The following H6PD variants were observed in gnomAD, a reference collection of about 807,000 sequenced individuals.
The protein encoded by H6PD is GDH/6PGL endoplasmic bifunctional protein.
H6PD carries 48 observed loss-of-function variants against 61.2 expected under a neutral mutation model. That is an observed-to-expected ratio of 0.78 (90% CI 0.62 to 1.00). H6PD has a LOEUF of 1.00. Among genes scored for constraint, H6PD ranks in the 50% least tolerant of loss-of-function variants. The pLI, the probability that H6PD is intolerant of heterozygous loss-of-function variation, is 0.00. For missense variants in H6PD, 1,093 were observed against 1,065.0 expected (o/e 1.03, Z -0.37); for synonymous variants, 480 against 457.9 (o/e 1.05, Z -0.62).
rs147840343 is a variant in H6PD, at chr1:9,258,820, C to G, written c.746-3239C>G. Among the ~76,000 whole-genome samples, 12 of 143,000 alleles carry G rather than the reference C, an allele frequency of 8.4e-5. No homozygotes were observed. In the East Asian group the frequency reaches 2.1e-3, roughly 25 times the overall value. 93.8% of individuals were successfully genotyped at this position (143,000 alleles called of 152,430 possible). A position where few individuals can be genotyped will look rare whatever the true frequency, so the allele number is the denominator to read the frequency against. ...GTGTTGTTACATTGCTGTTGTTACT[C>G]TGGTGTTGTTATGTTGTTGTTATGC... On this transcript the variant is annotated intron_variant, in intron 3 of 4. Coordinates refer to ENST00000377403, the MANE Select transcript of H6PD (RefSeq NM_004285.4).
rs1455721143 is a variant in H6PD at position 9,265,003 on chromosome 1, G to A, written c.*134G>A. 3 of 940,002 alleles carry A rather than the reference G, an allele frequency of 3.2e-6. No individual in the cohort carries two copies. The highest frequency in any genetic ancestry group is 5.0e-6 in the Non-Finnish European group (3 of 602,744). 58.2% of individuals were successfully genotyped at this position (940,002 alleles called of 1,614,324 possible). On this transcript the variant is annotated 3_prime_UTR_variant, in exon 5 of 5. Coordinates refer to ENST00000377403, the MANE Select transcript of H6PD (RefSeq NM_004285.4). ...TTCTATCCCACAGTCAGGCCCCAGA[G>A]AGGGCAGGACAAGCCTTGTCCCGAT...
At chr1:9,246,158 G>A (rs755064807) in intron 2 of H6PD, among the ~76,000 whole-genome samples, 9 of 152,088 alleles carry the variant, frequency 5.9e-5, no homozygotes, top group Admixed American at 5.9e-4. Context: ...TGGCCAGGCT[G>A]GTCTCAAAAT....
chr1:9,238,521 G>C (rs1185965256), intron 1 of H6PD, among the ~76,000 whole-genome samples: 1 of 152,172 alleles, frequency 6.6e-6, no homozygotes, highest in Non-Finnish European at 1.5e-5. Flanking sequence ...TTGTATTCTA[G>C]ATAAATTTTG....
intron 3 of H6PD, among the ~76,000 whole-genome samples, chr1:9,257,986 G>GGGAGT (rs1184154530): frequency 3.3e-5 from 5 of 152,276 alleles, no homozygotes; most frequent in African/African-American, 1.2e-4. Flanking sequence ...CCTCAGAGGA[G>GGGAGT]GGAGTGGAGC....
chr1:9,250,516 C>G (rs1408143920), intron 3 of H6PD, among the ~76,000 whole-genome samples: 3 of 149,576 alleles, frequency 2.0e-5, no homozygotes, highest in Non-Finnish European at 4.4e-5. Flanking sequence ...ACAGGCCATT[C>G]TCTCCCACTC....
chr1:9,259,132 C>T (rs1641627894), intron 3 of H6PD, among the ~76,000 whole-genome samples: 1 of 152,228 alleles, frequency 6.6e-6, no homozygotes, highest in Non-Finnish European at 1.5e-5. Flanking sequence ...GCTGGGACTA[C>T]AGGCGCCCGC....
At chr1:9,249,329 T>G (rs893420646) in intron 3 of H6PD, among the ~76,000 whole-genome samples, 1 of 152,150 alleles carries the variant, frequency 6.6e-6, no homozygotes, top group African/African-American at 2.4e-5. Context: ...AAAGGTACTT[T>G]TGGATTTTGA....
At chr1:9,242,434 ATGT>A (rs1241972511) in intron 1 of H6PD, 1 of 269,044 alleles carries the variant, frequency 3.7e-6, no homozygotes. Context: ...GTAAGCAATC[ATGT>A]TGTAATACCC....
In H6PD at chr1:9,263,624, C is replaced by T; in HGVS notation, c.1131C>T (p.Ala377=). The change falls in exon 5 of 5, where the codon GCC becomes GCT. Residue 377 remains alanine, a synonymous_variant. Coordinates refer to ENST00000377403, the MANE Select transcript of H6PD (RefSeq NM_004285.4). ...GYARILFKNQ[A]CCVQSEKHWA... The stretch of plus-strand genomic sequence containing the variant: ...CTCGGATCTTGTTCAAGAACCAGGC[C>T]TGCTGTGTGCAGAGCGAAAAGCACT... The T allele has an allele frequency of 6.2e-7, 1 of 1,614,252 alleles. No individual in the cohort carries two copies. Among genetic ancestry groups the T allele is most frequent in the South Asian group, 1.1e-5 (1 of 91,088 alleles).
chr1:9,252,137 C>A (rs1217374010), intron 3 of H6PD, among the ~76,000 whole-genome samples: 1 of 152,146 alleles, frequency 6.6e-6, no homozygotes, highest in Non-Finnish European at 1.5e-5. Context: ...AGTGTTCTTG[C>A]AGTGTGTCTG....
At chr1:9,242,734 C>G (rs996688482) in intron 1 of H6PD, 2 of 985,474 alleles carry the variant, frequency 2.0e-6, no homozygotes, top group Non-Finnish European at 2.4e-6. Context: ...CAGGCACGTC[C>G]AGAGCCCTGG....
rs778041712 is a variant in H6PD at position 9,244,990 on chromosome 1, C to G, written c.56C>G (p.Ala19Gly). The change falls in exon 2 of 5, where the codon GCC becomes GGC. Residue 19 changes from alanine (A) to glycine (G), a missense_variant. Transcript: ENST00000377403. The part of the protein sequence containing the change: ...MCLALLGCLQ[A>G]QELQGHVSII... ...TTGGCCCTTCTGGGCTGCCTGCAAG[C>G]CCAGGAGCTCCAGGGACATGTCTCC... 7 of 1,613,982 alleles carry G rather than the reference C, an allele frequency of 4.3e-6. No individual in the cohort carries two copies. The highest frequency in any genetic ancestry group is 5.9e-6 in the Non-Finnish European group (7 of 1,179,958).
intron 3 of H6PD, among the ~76,000 whole-genome samples, chr1:9,247,620 C>T (rs551221144): frequency 5.9e-5 from 9 of 152,308 alleles, no homozygotes; most frequent in East Asian, 1.9e-4. Context: ...ACCCTTGCCT[C>T]GTCCTTGTCC....
intron 3 of H6PD, among the ~76,000 whole-genome samples, chr1:9,258,081 C>T (rs773727510): frequency 3.9e-5 from 6 of 152,214 alleles, no homozygotes; most frequent in South Asian, 4.1e-4. Context: ...GGAGTGATCA[C>T]GGTGCCTGCG....
intron 3 of H6PD, 63 bp from the exon 4 acceptor site, chr1:9,261,995 CG>C: frequency 6.5e-7 from 1 of 1,544,336 alleles, no homozygotes; most frequent in Non-Finnish European, 8.9e-7. Flanking sequence ...TGGTGCACCT[CG>C]GGGAGATCTG....
chr1:9,242,730 C>G, intron 1 of H6PD: 1 of 985,478 alleles, frequency 1.0e-6, no homozygotes, highest in South Asian at 4.7e-5. Flanking sequence ...GTACCAGGCA[C>G]GTCCAGAGCC....
At chr1:9,244,082 T>C (rs1378149476) in intron 1 of H6PD, among the ~76,000 whole-genome samples, 1 of 152,180 alleles carries the variant, frequency 6.6e-6, no homozygotes, top group Non-Finnish European at 1.5e-5. Flanking sequence ...TGTGGTTCTT[T>C]CAGGATTCTT....
intron 3 of H6PD, among the ~76,000 whole-genome samples, chr1:9,249,145 G>A (rs867001725): frequency 6.6e-6 from 1 of 152,118 alleles, no homozygotes. Flanking sequence ...TCCTATCTCC[G>A]CCCTGGGCTG....
At chr1:9,248,276 T>C (rs562919446) in intron 3 of H6PD, among the ~76,000 whole-genome samples, 2 of 152,364 alleles carry the variant, frequency 1.3e-5, no homozygotes, top group African/African-American at 4.8e-5. Flanking sequence ...CTCTCTCCCT[T>C]GCTCTTTCTC....
Sources: gnomAD v4.1 joint callset for allele counts (sites outside exome capture counted in the v4.1 genomes callset) on GRCh38, gnomAD v4.1.1 for gene constraint, MANE v1.5 for transcripts, NCBI Gene and HGNC (gene_info 2026-07-23, HGNC 2026-07-21) for gene names.